DOCK6: variants seen among roughly 807,000 people sequenced by gnomAD.
DOCK6 encodes the protein dedicator of cytokinesis 6.
In DOCK6, 167 loss-of-function variants were observed where a neutral mutation model predicts 230.3. That is an observed-to-expected ratio of 0.73 (90% CI 0.64 to 0.82). DOCK6 has a LOEUF of 0.82. DOCK6 is among the 40% of genes least tolerant of loss of function. The pLI, the probability that DOCK6 is intolerant of heterozygous loss-of-function variation, is 0.00. For synonymous variants in DOCK6, 1,148 were observed against 1,185.0 expected, an observed-to-expected ratio of 0.97 and a Z score of 0.64; for missense variants, 2,598 against 2,825.8, an observed-to-expected ratio of 0.92 and a Z score of 1.83.
intron 22 of DOCK6, among the ~76,000 whole-genome samples, chr19:11,230,919 G>A (rs2079755160): frequency 6.6e-6 from 1 of 152,054 alleles, no homozygotes; most frequent in Non-Finnish European, 1.5e-5. Context: ...TGACAGAGAC[G>A]ACCCAACCCT....
At chr19:11,227,536 A>AGGGCTGTGGGTGGGGCTTGAT in intron 23 of DOCK6, 59 bp from the exon 24 acceptor site, 4 of 1,362,856 alleles carry the variant, frequency 2.9e-6, no homozygotes, top group African/African-American at 1.6e-5. Flanking sequence ...TAGGACTTGA[A>AGGGCTGTGGGTGGGGCTTGAT]GGGCTGTGGG....
chr19:11,235,092 G>A (rs983514544), intron 21 of DOCK6, among the ~76,000 whole-genome samples: 6 of 151,978 alleles, frequency 3.9e-5, no homozygotes, highest in African/African-American at 1.4e-4. Context: ...ACAGGCGTGC[G>A]CCACCACACC....
At position 11,211,872 on chromosome 19, in the gene DOCK6, T is replaced by C. The variant is rs779305788; in HGVS notation, c.4655A>G (p.Gln1552Arg). 3.2e-6 allele frequency: 5 copies of C among 1,551,396 alleles called. No individual in the cohort carries two copies. In the East Asian group the frequency reaches 1.2e-4, roughly 38 times the overall value. ...LRDSTFAEQV[Q>R]DLMFNLHMIL... ...CATGTGCAGGTTGAACATCAGGTCC[T>C]GGACCTGGAGCCGGGGAACGTCCAG... Residue 1552 changes from glutamine (Q) to arginine (R), a missense_variant, in exon 37 of 48, where the codon CAG (glutamine) becomes CGG (arginine). By Grantham distance (43) the Gln-to-Arg change is conservative. Transcript: ENST00000294618.
chr19:11,205,872 G>C (rs757029527), intron 39 of DOCK6: 5 of 148,078 alleles, frequency 3.4e-5, no homozygotes, highest in Non-Finnish European at 5.9e-5. Context: ...TGATCTGCCC[G>C]CCCCGGCCTC....
At chr19:11,237,020 G>A in intron 18 of DOCK6, 141 bp from the exon 19 acceptor site, 2 of 804,858 alleles carry the variant, frequency 2.5e-6, no homozygotes, top group Non-Finnish European at 3.8e-6. Context: ...CCCCAGCCCT[G>A]GTCCCAGTAG....
chr19:11,248,846 G>T (rs1044880688), intron 6 of DOCK6, among the ~76,000 whole-genome samples: 1 of 152,088 alleles, frequency 6.6e-6, no homozygotes, highest in Non-Finnish European at 1.5e-5. Flanking sequence ...CATGTTAGTC[G>T]AATAATTATA....
chr19:11,224,212 T>C (rs2079627194), intron 24 of DOCK6, among the ~76,000 whole-genome samples: 1 of 151,342 alleles, frequency 6.6e-6, no homozygotes, highest in African/African-American at 2.4e-5. Flanking sequence ...CTTTCTTTCT[T>C]TCTTTTTTTT....
rs1258673297 is a variant in DOCK6, at chr19:11,243,392, G to A, written c.1259-7C>T. On this transcript the variant is annotated splice_polypyrimidine_tract_variant and splice_region_variant and intron_variant, in intron 11 of 47. Coordinates refer to ENST00000294618, the MANE Select transcript of DOCK6 (RefSeq NM_020812.4). This position sits in a 1 kb window ranked among gnomAD's most constrained non-coding sequence, Gnocchi z 6.3. ...GTCCAGGCTGGCCGGCGCTCTAGGG[G>A]AGGGAATGACAATGACAAAAGGGGG... 1.9e-6 allele frequency: 3 copies of A among 1,600,810 alleles called. No homozygotes were observed. The highest frequency in any genetic ancestry group is 1.3e-5 in the African/African-American group (1 of 74,686).
In DOCK6 at chr19:11,206,843, T is replaced by G. The variant is rs960102987; in HGVS notation, c.5088+1843A>C. Among the ~76,000 whole-genome samples the G allele has an allele frequency of 5.3e-5, 8 of 151,736 alleles. No individual in the cohort carries two copies. The South Asian group carries it at 1.0e-3, about 20-fold the overall frequency. On this transcript the variant is annotated intron_variant, in intron 39 of 47. Coordinates refer to ENST00000294618, the MANE Select transcript of DOCK6 (RefSeq NM_020812.4). ...GCTGGGATTTGTGGTGGTTTTTTTT[T>G]TTTTGTTTTTTGTTTTTGGAGACAG...
chr19:11,238,654 G>A, intron 14 of DOCK6: 1 of 248,148 alleles, frequency 4.0e-6, no homozygotes, highest in Non-Finnish European at 8.2e-6. Flanking sequence ...ACCTCAGGTG[G>A]CCAGTGGTCA....
Position 11,242,193 on chromosome 19 carries a change from C to T in DOCK6, c.1495G>A (p.Asp499Asn), listed in dbSNP as rs2079957802. The change falls in exon 14 of 48, where the codon GAC becomes AAC. Residue 499 changes from aspartate to asparagine, a missense_variant. Asp to Asn is a conservative substitution (Grantham distance 23). Transcript: ENST00000294618. ...LRPVTAQLKIDISPAPENPHF... is the reference protein window; with the variant it reads ...LRPVTAQLKINISPAPENPHF... ...GGATTTTCAGGAGCCGGAGAAATGTCGATCTTGAGCTGGGCTGGGAAGGGA... is the reference window on the plus strand; with the variant it reads ...GGATTTTCAGGAGCCGGAGAAATGTTGATCTTGAGCTGGGCTGGGAAGGGA... 2 of 1,460,862 alleles carry T rather than the reference C, an allele frequency of 1.4e-6. No individual in the cohort carries two copies. The highest frequency in any genetic ancestry group is 1.8e-6 in the Non-Finnish European group (2 of 1,108,672). 90.5% of individuals were successfully genotyped at this position (1,460,862 alleles called of 1,614,324 possible).
In DOCK6 at chr19:11,237,526, C is replaced by T; in HGVS notation, c.2003G>A (p.Arg668Lys). The change falls in exon 18 of 48, where the codon AGG (arginine) becomes AAG (lysine). Residue 668 changes from arginine (R) to lysine (K), a missense_variant. Arg to Lys is a conservative substitution (Grantham distance 26, BLOSUM62 2). Transcript: ENST00000294618. ...CACTGGGAGACAGAAGGGGCCGGTC[C>T]TCAGGCGCCCGTGCTGCAGCAGTGG... is the stretch of plus-strand genomic sequence containing the variant. ...WIPLLQHGRL[R>K]TGPFCLPVSV... 1.2e-6 allele frequency: 2 copies of T among 1,612,786 alleles called. No homozygotes were observed. Among genetic ancestry groups the T allele is most frequent in the East Asian group, 4.5e-5 (2 of 44,824 alleles).
chr19:11,240,209 G>T (rs749030012), intron 14 of DOCK6: 2 of 1,563,144 alleles, frequency 1.3e-6, no homozygotes, highest in East Asian at 4.8e-5. Flanking sequence ...AGGCACAGAA[G>T]GTGCTACGGG....
At position 11,237,516 on chromosome 19, in the gene DOCK6, G is replaced by C. The variant is rs901415768; in HGVS notation, c.2013C>G (p.Pro671=). The C allele has an allele frequency of 2.5e-6, 4 of 1,613,242 alleles. No homozygotes were observed. The African/African-American group carries it at 5.3e-5, about 22-fold the overall frequency. Residue 671 remains proline, a synonymous_variant, in exon 18 of 48, where the codon CCC becomes CCG. Coordinates refer to ENST00000294618, the MANE Select transcript of DOCK6 (RefSeq NM_020812.4). ...LLQHGRLRTG[P]FCLPVSVDQP... The stretch of plus-strand genomic sequence containing the variant: ...GGTCCACAGACACTGGGAGACAGAA[G>C]GGGCCGGTCCTCAGGCGCCCGTGCT...
In DOCK6 at chr19:11,253,859, G is replaced by A; in HGVS notation, c.45-133C>T. ...GAGGGCCAAGAGAACCAGGAGTGCTGAGGCTTTAAGGGCCCACAGCTCCCC... is the reference window on the plus strand; with the variant it reads ...GAGGGCCAAGAGAACCAGGAGTGCTAAGGCTTTAAGGGCCCACAGCTCCCC... On this transcript the variant is annotated intron_variant, in intron 1 of 47. Coordinates refer to ENST00000294618, the MANE Select transcript of DOCK6 (RefSeq NM_020812.4). The A allele has an allele frequency of 7.9e-6, 5 of 631,556 alleles. No homozygotes were observed. In the South Asian group the frequency reaches 8.5e-5, roughly 11 times the overall value. The allele number at this position is 631,556 out of a possible 1,614,324, so 39.1% of individuals were successfully genotyped here.
At chr19:11,242,957 G>A (rs1422399266) in intron 13 of DOCK6, 102 bp downstream of exon 13, 9 of 1,336,338 alleles carry the variant, frequency 6.7e-6, no homozygotes, top group East Asian at 2.3e-5. Flanking sequence ...CATGGTCATC[G>A]TTGGGTCTCT....
At chr19:11,245,116 C>T (rs1331435420) in intron 9 of DOCK6, among the ~76,000 whole-genome samples, 1 of 152,162 alleles carries the variant, frequency 6.6e-6, no homozygotes, top group African/African-American at 2.4e-5. Flanking sequence ...CCCTGTGAAG[C>T]GTGACCATAG....
In DOCK6 at chr19:11,235,751, C is replaced by T. The variant is rs776240665; in HGVS notation, c.2401G>A (p.Gly801Ser). 6 of 1,590,850 alleles carry T rather than the reference C, an allele frequency of 3.8e-6. No homozygotes were observed. The highest frequency in any genetic ancestry group is 1.1e-5 in the South Asian group (1 of 87,218). The change falls in exon 21 of 48, where the codon GGC (glycine) becomes AGC (serine). Residue 801 changes from glycine to serine, a missense_variant. Physicochemically the swap from Gly to Ser is moderately conservative, Grantham distance 56. Transcript: ENST00000294618. Reference protein sequence around the residue: ...PIISGQIVNLGRGAFEAMAHV... With the variant: ...PIISGQIVNLSRGAFEAMAHV... ...GCCATTGCTTCAAAGGCTCCACGGCCCAGGTTCACTGCAGGGCAGAGCAGA... is the reference window on the plus strand; with the variant it reads ...GCCATTGCTTCAAAGGCTCCACGGCTCAGGTTCACTGCAGGGCAGAGCAGA...
Position 11,252,203 on chromosome 19 carries a change from T to A in DOCK6, c.423A>T (p.Thr141=), listed in dbSNP as rs1368298032. 1.9e-6 allele frequency: 3 copies of A among 1,583,266 alleles called. No homozygotes were observed. The Admixed American group carries it at 5.5e-5, about 29-fold the overall frequency. The change falls in exon 5 of 48, where the codon ACA becomes ACT. Residue 141 remains threonine, a synonymous_variant. Coordinates refer to ENST00000294618, the MANE Select transcript of DOCK6 (RefSeq NM_020812.4). ...SAAYSPVTTD[T]QRERQKGLPR... is the part of the protein sequence containing the mutation. The stretch of plus-strand genomic sequence containing the variant: ...GGAGGCCCTTCTGTCGCTCCCGCTG[T>A]GTGTCTGTGGTGACGGGGCTGTATG...
Sources: gnomAD v4.1 joint callset for allele counts (sites outside exome capture counted in the v4.1 genomes callset) on GRCh38, gnomAD v4.1.1 for gene constraint, Gnocchi (gnomAD v3.1) non-coding constraint, MANE v1.5 for transcripts, NCBI Gene and HGNC (gene_info 2026-07-23, HGNC 2026-07-21) for gene names.